DCDC1: variants seen among roughly 807,000 people sequenced by gnomAD.
The protein encoded by DCDC1 is doublecortin domain-containing protein 1.
DCDC1 carries 200 observed loss-of-function variants against 178.3 expected under a neutral mutation model. That is an observed-to-expected ratio of 1.12 (90% CI 1.00 to 1.26). DCDC1 has a LOEUF of 1.26. Among genes scored for constraint, DCDC1 ranks in the 50% most tolerant of loss-of-function variants. The probability of loss-of-function intolerance (pLI) is 0.00; values close to 1 mark genes in which losing one functional copy is unlikely to be tolerated. For missense variants in DCDC1, 1,983 were observed against 1,749.2 expected, an observed-to-expected ratio of 1.13 and a Z score of -2.38; for synonymous variants, 690 against 604.8, an observed-to-expected ratio of 1.14 and a Z score of -2.07.
intron 9 of DCDC1, among the ~76,000 whole-genome samples, chr11:31,173,572 T>G (rs926710485): frequency 3.3e-5 from 5 of 152,142 alleles, no homozygotes; most frequent in Non-Finnish European, 7.4e-5. Context: ...GATAGACCAC[T>G]AAAGTAGATG....
At chr11:30,885,875 T>C (rs1590221764) in intron 36 of DCDC1, among the ~76,000 whole-genome samples, 1 of 152,084 alleles carries the variant, frequency 6.6e-6, no homozygotes, top group Admixed American at 6.5e-5. Context: ...AAAATAAATA[T>C]AGACTGATGT....
At position 31,064,505 on chromosome 11, in the gene DCDC1, T is replaced by C. The variant is rs752166156; in HGVS notation, c.2555A>G (p.Lys852Arg). 17 of 765,738 alleles carry C rather than the reference T, an allele frequency of 2.2e-5. No individual in the cohort carries two copies. In the East Asian group the frequency reaches 3.6e-4, roughly 16 times the overall value. The allele number at this position is 765,738 out of a possible 1,614,324, so 47.4% of individuals were successfully genotyped here. ...AGCCTTAGGATGTTTCTCTTCCAGT[T>C]TCCTCACCAGTGCTACTGTCAGCTC... ...TGELTVALVR[K>R]LEEKHPKASA... is the part of the protein sequence containing the mutation. The change falls in exon 20 of 39, where the codon AAA becomes AGA. Residue 852 changes from lysine to arginine, a missense_variant. Physicochemically the swap from Lys to Arg is conservative, Grantham distance 26. Coordinates refer to ENST00000684477, the MANE Select transcript of DCDC1 (RefSeq NM_001387274.1).
chr11:31,105,871 G>T (rs1260686900), intron 13 of DCDC1, among the ~76,000 whole-genome samples: 1 of 151,986 alleles, frequency 6.6e-6, no homozygotes, highest in Non-Finnish European at 1.5e-5. Flanking sequence ...GTTTATTTAT[G>T]CTATTTTCAT....
In DCDC1 at chr11:31,064,603, G is replaced by A. The variant is rs770612817; in HGVS notation, c.2457C>T (p.Asn819=). The change falls in exon 20 of 39, where the codon AAC becomes AAT. Residue 819 remains asparagine, a synonymous_variant. Transcript: ENST00000684477. ...AEEVLQESAS[N]LGLKQLPEPS... ...GTTCTGGCAGTTGCTTCAGACCAAGGTTGCTGGCACTTTCTTGCAGAACCT... is the reference window on the plus strand; with the variant it reads ...GTTCTGGCAGTTGCTTCAGACCAAGATTGCTGGCACTTTCTTGCAGAACCT... The A allele has an allele frequency of 1.0e-5, 8 of 765,650 alleles. No individual in the cohort carries two copies. Among genetic ancestry groups the A allele is most frequent in the Admixed American group, 6.8e-5 (4 of 58,920 alleles). The allele number at this position is 765,650 out of a possible 1,614,324, so 47.4% of individuals were successfully genotyped here. A position where few individuals can be genotyped will look rare whatever the true frequency, so the allele number is the denominator to read the frequency against.
intron 33 of DCDC1, 31 bp from the exon 34 acceptor site, chr11:30,899,673 C>A: frequency 1.4e-6 from 2 of 1,427,824 alleles, no homozygotes; most frequent in Non-Finnish European, 1.9e-6. Context: ...GATATTTTAT[C>A]AACAGTAATT....
chr11:31,065,528 T>C (rs1956196995), intron 18 of DCDC1, among the ~76,000 whole-genome samples: 2 of 152,190 alleles, frequency 1.3e-5, no homozygotes, highest in South Asian at 2.1e-4. Context: ...TTGGAAGTAT[T>C]CAATTCTGCT....
chr11:31,340,702 G>C (rs1449931029), intron 1 of DCDC1, among the ~76,000 whole-genome samples: 1 of 152,148 alleles, frequency 6.6e-6, no homozygotes, highest in Admixed American at 6.5e-5. Context: ...CCCTGGGTAA[G>C]AAGGAATTCT....
chr11:31,331,884 C>A (rs1454421327), intron 2 of DCDC1, among the ~76,000 whole-genome samples: 1 of 152,094 alleles, frequency 6.6e-6, no homozygotes, highest in East Asian at 1.9e-4. Flanking sequence ...CAGGATGATG[C>A]TGGCCTCATA....
chr11:31,103,702 T>A lies in DCDC1; in HGVS notation c.1819A>T (p.Met607Leu). 1.3e-6 allele frequency: 1 copy of A among 765,796 alleles called. No individual in the cohort carries two copies. The highest frequency in any genetic ancestry group is 2.4e-6 in the Non-Finnish European group (1 of 417,670). 47.4% of individuals were successfully genotyped at this position (765,796 alleles called of 1,614,324 possible). Reference protein sequence around the residue: ...RVSAFARGDIMVAYKTFLDPN... With the variant: ...RVSAFARGDILVAYKTFLDPN... ...TCCAAAAAGGTCTTATATGCAACCA[T>A]GATATCACCTCTGGCAAATGCACTC... Residue 607 changes from methionine (M) to leucine (L), a missense_variant, in exon 14 of 39, where the codon ATG becomes TTG. Transcript: ENST00000684477.
chr11:30,911,256 C>A, intron 28 of DCDC1, 71 bp downstream of exon 28: 3 of 1,296,338 alleles, frequency 2.3e-6, no homozygotes, highest in South Asian at 1.3e-5. Flanking sequence ...TCCTCCACTA[C>A]AAGGAAGCAC....
chr11:31,337,658 CTCAATCAA>C (rs3059707), intron 1 of DCDC1, among the ~76,000 whole-genome samples: 4 of 150,008 alleles, frequency 2.7e-5, no homozygotes, highest in Admixed American at 1.3e-4. Context: ...GAGACCCTGT[CTCAATCAA>C]TCAATCAATC....
intron 20 of DCDC1, among the ~76,000 whole-genome samples, chr11:30,999,358 T>A (rs936507028): frequency 1.2e-4 from 19 of 152,142 alleles, no homozygotes; most frequent in African/African-American, 3.4e-4. Flanking sequence ...GGAAATTGAG[T>A]GAAAGAGCTG....
At chr11:31,054,240 A>C (rs940825175) in intron 20 of DCDC1, among the ~76,000 whole-genome samples, 1 of 131,018 alleles carries the variant, frequency 7.6e-6, no homozygotes, top group African/African-American at 2.8e-5. Context: ...AAAAAAGGAA[A>C]AAAGAAAAAA....
intron 4 of DCDC1, 46 bp downstream of exon 4, chr11:31,307,593 G>T (rs760682552): frequency 1.3e-6 from 2 of 1,599,342 alleles, no homozygotes; most frequent in East Asian, 2.2e-5. Flanking sequence ...TCAAAGGAAA[G>T]AACTTCAACA....
chr11:31,189,125 C>A (rs1969847424), intron 9 of DCDC1, among the ~76,000 whole-genome samples: 1 of 152,112 alleles, frequency 6.6e-6, no homozygotes, highest in Non-Finnish European at 1.5e-5. Context: ...TTATAAATTA[C>A]TCAGTCTAAG....
chr11:30,976,222 G>A (rs941212512), intron 20 of DCDC1, among the ~76,000 whole-genome samples: 4 of 151,922 alleles, frequency 2.6e-5, no homozygotes, highest in Middle Eastern at 3.2e-3. Context: ...CCTAAGACCC[G>A]AAACTATAAA....
intron 3 of DCDC1, among the ~76,000 whole-genome samples, chr11:31,315,902 G>A (rs1330317436): frequency 1.8e-5 from 2 of 111,328 alleles, no homozygotes; most frequent in Non-Finnish European, 3.5e-5. Context: ...GAGAATATGC[G>A]GTGTTTGGTT....
At chr11:31,112,287 ATATT>A (rs1959190461) in intron 11 of DCDC1, among the ~76,000 whole-genome samples, 1 of 152,178 alleles carries the variant, frequency 6.6e-6, no homozygotes, top group Non-Finnish European at 1.5e-5. Context: ...ATACCAAAAT[ATATT>A]TATTTACTTA....
intron 20 of DCDC1, among the ~76,000 whole-genome samples, chr11:30,963,491 T>C (rs942344383): frequency 1.1e-4 from 17 of 152,244 alleles, no homozygotes; most frequent in African/African-American, 3.9e-4. Context: ...GGTGTAGCCA[T>C]GTATCAAAGT....
Sources: allele counts gnomAD v4.1 joint callset (sites outside exome capture counted in the v4.1 genomes callset), GRCh38; gene constraint gnomAD v4.1.1; transcripts MANE v1.5; gene names NCBI Gene and HGNC (gene_info 2026-07-23, HGNC 2026-07-21).